SLF1: variants seen among roughly 807,000 people sequenced by gnomAD.
SLF1 encodes SMC5-SMC6 complex localization factor protein 1.
SLF1 carries 105 observed loss-of-function variants against 123.0 expected under a neutral mutation model. The ratio of observed to expected loss-of-function variants is 0.85; its 90% confidence interval spans 0.73 to 1.00. SLF1 has a LOEUF of 1.00. Among genes scored for constraint, SLF1 ranks in the 50% least tolerant of loss-of-function variants. SLF1 has a pLI of 0.00. For synonymous variants in SLF1, 434 were observed against 406.6 expected, an observed-to-expected ratio of 1.07 and a Z score of -0.81; for missense variants, 1,239 against 1,223.0, an observed-to-expected ratio of 1.01 and a Z score of -0.20.
chr5:94,639,231 G>T (rs1746176785), intron 4 of SLF1, among the ~76,000 whole-genome samples: 2 of 151,646 alleles, frequency 1.3e-5, no homozygotes, highest in African/African-American at 4.8e-5. Flanking sequence ...TTAGAAACGG[G>T]GTTTCACCAT....
At chr5:94,620,720 C>T (rs1023987274) in intron 1 of SLF1, among the ~76,000 whole-genome samples, 1 of 152,100 alleles carries the variant, frequency 6.6e-6, no homozygotes, top group African/African-American at 2.4e-5. Flanking sequence ...TTGTAGTTGA[C>T]TCTTTGAATA....
chr5:94,620,380 A>T (rs1791646387), intron 1 of SLF1, among the ~76,000 whole-genome samples: 1 of 152,244 alleles, frequency 6.6e-6, no homozygotes, highest in Admixed American at 6.5e-5. Flanking sequence ...TAAAGCGTGG[A>T]TCACGTGAAA....
intron 14 of SLF1, among the ~76,000 whole-genome samples, chr5:94,675,957 A>G (rs1335545457): frequency 4.9e-5 from 5 of 102,462 alleles, no homozygotes; most frequent in African/African-American, 2.0e-4. Flanking sequence ...GGAAAGCTGG[A>G]TTGTGTTTTT....
rs1019118295 is a variant in SLF1 at position 94,665,867 on chromosome 5, A to T, written c.1375A>T (p.Ile459Leu). 4 of 1,542,424 alleles carry T rather than the reference A, an allele frequency of 2.6e-6. No individual in the cohort carries two copies. Among genetic ancestry groups the T allele is most frequent in the Admixed American group, 2.0e-5 (1 of 50,924 alleles). ...GTTTATTTTTAAATAATAGGATAAC[A>T]TAGATACATTTTCTGGTCGATACTT... Reference protein sequence around the residue: ...ALLENVLQDNIDTFSGRYFHI... With the variant: ...ALLENVLQDNLDTFSGRYFHI... Residue 459 changes from isoleucine (I) to leucine (L), a missense_variant, in exon 12 of 21, where the codon ATA (isoleucine) becomes TTA (leucine). Physicochemically the swap from Ile to Leu is conservative, Grantham distance 5. Transcript: ENST00000265140.
In SLF1 at chr5:94,649,499, A is replaced by G. The variant is rs1747436132; in HGVS notation, c.640A>G (p.Thr214Ala). 6.5e-7 allele frequency: 1 copy of G among 1,537,078 alleles called. No homozygotes were observed. Among genetic ancestry groups the G allele is most frequent in the South Asian group, 1.2e-5 (1 of 81,902 alleles). The change falls in exon 6 of 21, where the codon ACT (threonine) becomes GCT (alanine). Residue 214 changes from threonine (T) to alanine (A), a missense_variant. By Grantham distance (58) the Thr-to-Ala change is moderately conservative. Coordinates refer to ENST00000265140, the MANE Select transcript of SLF1 (RefSeq NM_032290.4). The part of the protein sequence containing the change: ...DEDSQTNSVW[T>A]EHSNEETNKD... ...AGATTCCCAAACCAATTCTGTTTGG[A>G]CTGAACATAGCAATGAAGAAACAAA...
At chr5:94,634,385 TA>T (rs1382858001) in intron 4 of SLF1, among the ~76,000 whole-genome samples, 9 of 152,226 alleles carry the variant, frequency 5.9e-5, no homozygotes, top group African/African-American at 1.9e-4. Context: ...TTAGGTTCTA[TA>T]AATCTAATTT....
intron 14 of SLF1, among the ~76,000 whole-genome samples, chr5:94,672,709 A>C (rs964337215): frequency 6.6e-6 from 1 of 152,088 alleles, no homozygotes; most frequent in Non-Finnish European, 1.5e-5. Flanking sequence ...ATGAGTTTCA[A>C]GGTTTTCTTT....
chr5:94,653,058 T>C (rs760699655), intron 7 of SLF1, among the ~76,000 whole-genome samples: 15 of 152,144 alleles, frequency 9.9e-5, no homozygotes, highest in Non-Finnish European at 1.5e-4. Flanking sequence ...GATTTCTCCA[T>C]GTTGGTCAGG....
At chr5:94,675,239 A>C (rs188599528) in intron 14 of SLF1, among the ~76,000 whole-genome samples, 2 of 152,384 alleles carry the variant, frequency 1.3e-5, no homozygotes, top group Admixed American at 1.3e-4. Context: ...CTCTACTGGC[A>C]GATGATATAG....
At chr5:94,629,930 T>C (rs986375960) in intron 3 of SLF1, among the ~76,000 whole-genome samples, 1 of 152,046 alleles carries the variant, frequency 6.6e-6, no homozygotes, top group African/African-American at 2.4e-5. Context: ...GGATCACTTG[T>C]GCCAAGGAGT....
rs909574489 is a variant in SLF1 at position 94,630,601 on chromosome 5, G to C, written c.289G>C (p.Asp97His). 2 of 1,551,658 alleles carry C rather than the reference G, an allele frequency of 1.3e-6. No individual in the cohort carries two copies. The highest frequency in any genetic ancestry group is 1.7e-6 in the Non-Finnish European group (2 of 1,146,984). ...TGAATGGGGATATAAAATTGAAAAA[G>C]ATTCCCGTTATTCACCTCAAATGCA... ...TYEWGYKIEK[D>H]SRYSPQMQSA... Residue 97 changes from aspartate to histidine, a missense_variant, in exon 4 of 21, where the codon GAT becomes CAT. Physicochemically the swap from Asp to His is moderately conservative, Grantham distance 81. Coordinates refer to ENST00000265140, the MANE Select transcript of SLF1 (RefSeq NM_032290.4).
At chr5:94,665,658 C>G (rs1361759209) in intron 11 of SLF1, among the ~76,000 whole-genome samples, 2 of 152,088 alleles carry the variant, frequency 1.3e-5, no homozygotes, top group East Asian at 3.9e-4. Flanking sequence ...GAGGCTGAGG[C>G]AGAAAAATCG....
In SLF1 at chr5:94,676,503, T is replaced by C. The variant is rs565791882; in HGVS notation, c.1828-2305T>C. Among the ~76,000 whole-genome samples, 12 of 152,332 alleles carry C rather than the reference T, an allele frequency of 7.9e-5. No individual in the cohort carries two copies. In the South Asian group the frequency reaches 2.1e-3, roughly 26 times the overall value. ...TATCAAGGCAGGAGACTGGGTGGGATTGACAGCCACCTGTGAAGACTCACC... is the reference window on the plus strand; with the variant it reads ...TATCAAGGCAGGAGACTGGGTGGGACTGACAGCCACCTGTGAAGACTCACC... On this transcript the variant is annotated intron_variant, in intron 14 of 20. Transcript: ENST00000265140.
At chr5:94,653,467 C>G in intron 8 of SLF1, 46 bp downstream of exon 8, 1 of 1,425,712 alleles carries the variant, frequency 7.0e-7, no homozygotes, top group South Asian at 1.4e-5. Flanking sequence ...TATTTTTTGG[C>G]TGTTCTCTGA....
intron 15 of SLF1, among the ~76,000 whole-genome samples, chr5:94,679,746 A>C (rs1428380348): frequency 3.9e-5 from 6 of 152,174 alleles, no homozygotes; most frequent in Admixed American, 3.9e-4. Context: ...CCTACTTTAA[A>C]GTCTCCCCTA....
Position 94,696,245 on chromosome 5 carries a change from C to G in SLF1, c.*933C>G, listed in dbSNP as rs1472545274. 1 of 151,678 alleles carries G rather than the reference C, an allele frequency of 6.6e-6. No individual in the cohort carries two copies. Among genetic ancestry groups the G allele is most frequent in the Non-Finnish European group, 1.5e-5 (1 of 67,764 alleles). 9.4% of individuals were successfully genotyped at this position (151,678 alleles called of 1,614,324 possible). ...ACTGGGAGTAAGTTACATTATGATACAGGTGGAAAATAAACACTTCCATTT... is the reference window on the plus strand; with the variant it reads ...ACTGGGAGTAAGTTACATTATGATAGAGGTGGAAAATAAACACTTCCATTT... On this transcript the variant is annotated 3_prime_UTR_variant, in exon 21 of 21. Coordinates refer to ENST00000265140, the MANE Select transcript of SLF1 (RefSeq NM_032290.4).
At chr5:94,650,205 A>G (rs138788233) in intron 6 of SLF1, among the ~76,000 whole-genome samples, 78 of 152,334 alleles carry the variant, frequency 5.1e-4, no homozygotes, top group African/African-American at 1.8e-3. Context: ...TGTGTTTTAT[A>G]AAGCAGTCTA....
At chr5:94,662,672 T>G (rs1749269873) in intron 10 of SLF1, among the ~76,000 whole-genome samples, 1 of 152,226 alleles carries the variant, frequency 6.6e-6, no homozygotes, top group Non-Finnish European at 1.5e-5. Context: ...AATTTTTTGG[T>G]GTGATATTTA....
At chr5:94,623,801 A>G (rs560360883) in intron 1 of SLF1, among the ~76,000 whole-genome samples, 13 of 152,246 alleles carry the variant, frequency 8.5e-5, no homozygotes, top group African/African-American at 3.1e-4. Flanking sequence ...GGTTTATTGT[A>G]TTCTTAATCC....
Sources: allele counts gnomAD v4.1 joint callset (sites outside exome capture counted in the v4.1 genomes callset), GRCh38; gene constraint gnomAD v4.1.1; transcripts MANE v1.5; gene names NCBI Gene and HGNC (gene_info 2026-07-23, HGNC 2026-07-21).